MYO7B: variants seen among roughly 807,000 people sequenced by gnomAD.
MYO7B encodes the protein unconventional myosin-VIIb.
MYO7B carries 212 observed loss-of-function variants against 259.7 expected under a neutral mutation model. The observed-to-expected ratio is 0.82, with a 90% CI of 0.73 to 0.91. The LOEUF (loss-of-function observed/expected upper bound fraction) is 0.91, where lower values mean the gene tolerates loss of function less well. MYO7B is among the 40% of genes least tolerant of loss of function. The probability of loss-of-function intolerance (pLI) is 0.00; values close to 1 mark genes in which losing one functional copy is unlikely to be tolerated. For synonymous variants in MYO7B, 1,197 were observed against 1,166.4 expected, an observed-to-expected ratio of 1.03 and a Z score of -0.54; for missense variants, 2,732 against 2,813.5, an observed-to-expected ratio of 0.97 and a Z score of 0.66.
At position 127,636,283 on chromosome 2, in the gene MYO7B, T is replaced by C; in HGVS notation, c.6082T>C (p.Cys2028Arg). ...CAAGGTGGCCTTCCTGAAGTGGATC[T>C]GCCGGTGGCCCACCTTCGGATCCGC... ...EAKVAFLKWI[C>R]RWPTFGSAFF... Residue 2028 changes from cysteine to arginine, a missense_variant, in exon 45 of 48, where the codon TGC becomes CGC. Coordinates refer to ENST00000409816, the MANE Select transcript of MYO7B (RefSeq NM_001393586.1). This position sits in a 1 kb window ranked among gnomAD's most constrained non-coding sequence, Gnocchi z 4.5. The C allele has an allele frequency of 6.2e-7, 1 of 1,613,590 alleles. No homozygotes were observed. The highest frequency in any genetic ancestry group is 8.5e-7 in the Non-Finnish European group (1 of 1,179,822).
rs1678942018 is a variant in MYO7B at position 127,577,981 on chromosome 2, T to C, written c.850-152T>C. On this transcript the variant is annotated intron_variant, in intron 8 of 47. Coordinates refer to ENST00000409816, the MANE Select transcript of MYO7B (RefSeq NM_001393586.1). The surrounding 1 kb of genome is among the most constrained non-coding windows in gnomAD (Gnocchi z 5.2). ...GCCTGATCATGCTGTGGCTACTGTG[T>C]CATGATTCTGCCTCTGAAAAGAGTT... Among the ~76,000 whole-genome samples the C allele has an allele frequency of 6.6e-6, 1 of 152,160 alleles. No homozygotes were observed. The highest frequency in any genetic ancestry group is 1.5e-5 in the Non-Finnish European group (1 of 68,018).
chr2:127,622,116 G>C lies in MYO7B; in HGVS notation c.3645+15G>C, dbSNP rs1191551643. 3 of 1,545,792 alleles carry C rather than the reference G, an allele frequency of 1.9e-6. No homozygotes were observed. The African/African-American group carries it at 4.1e-5, about 21-fold the overall frequency. ...TGGAGCTGCAGGTAGGGGCTGGCAG[G>C]GGTGAGAGCGGGCAGGGTGGGGTGG... On this transcript the variant is annotated intron_variant, in intron 28 of 47. Coordinates refer to ENST00000409816, the MANE Select transcript of MYO7B (RefSeq NM_001393586.1).
At chr2:127,594,762 T>C (rs928180224) in intron 18 of MYO7B, among the ~76,000 whole-genome samples, 2 of 152,242 alleles carry the variant, frequency 1.3e-5, no homozygotes, top group African/African-American at 4.8e-5. Context: ...TTTGTTTATG[T>C]GGTGAATTAC....
Position 127,636,390 on chromosome 2 carries a change from C to A in MYO7B, c.6123+66C>A. The stretch of plus-strand genomic sequence containing the variant: ...CTCCGCTCAGCCCAGCCCCAGCAGG[C>A]CCAGCGTCAACCAGCACACATCTTG... On this transcript the variant is annotated intron_variant, in intron 45 of 47. Transcript: ENST00000409816. The surrounding 1 kb of genome is among the most constrained non-coding windows in gnomAD (Gnocchi z 4.5). 1.3e-6 allele frequency: 2 copies of A among 1,506,766 alleles called. No homozygotes were observed. Among genetic ancestry groups the A allele is most frequent in the Non-Finnish European group, 1.8e-6 (2 of 1,087,354 alleles). The allele number at this position is 1,506,766 out of a possible 1,614,324, so 93.3% of individuals were successfully genotyped here.
intron 1 of MYO7B, among the ~76,000 whole-genome samples, chr2:127,551,438 C>T (rs1693439558): frequency 6.6e-6 from 1 of 152,160 alleles, no homozygotes; most frequent in South Asian, 2.1e-4. Context: ...CTCACAACCT[C>T]CAGGCTCCCC....
intron 14 of MYO7B, among the ~76,000 whole-genome samples, chr2:127,587,661 G>A (rs1328940405): frequency 4.0e-5 from 6 of 150,190 alleles, no homozygotes; most frequent in African/African-American, 7.4e-5. Context: ...CTCTGCCTCC[G>A]GGCTTCAAGC....
rs1681674675 is a variant in MYO7B, at chr2:127,634,281, T to G, written c.5617T>G (p.Ser1873Ala). ...GGGCTGCAGCCTCTTCATCAAGATT[T>G]CAGACAAGGTGGGCCGGGCTGGGGC... ...WEGCSLFIKI[S>A]DKVISQKEGD... The change falls in exon 41 of 48, where the codon TCA (serine) becomes GCA (alanine). Residue 1873 changes from serine (S) to alanine (A), a missense_variant. This residue lies in a region of MYO7B where 821 missense variants were observed against 769.3 expected (regional missense o/e 1.07). Coordinates refer to ENST00000409816, the MANE Select transcript of MYO7B (RefSeq NM_001393586.1). The G allele has an allele frequency of 6.3e-7, 1 of 1,578,958 alleles. No homozygotes were observed. The highest frequency in any genetic ancestry group is 8.6e-7 in the Non-Finnish European group (1 of 1,165,956).
At position 127,633,636 on chromosome 2, in the gene MYO7B, A is replaced by G. The variant is rs150983026; in HGVS notation, c.5511+273A>G. Among the ~76,000 whole-genome samples, 1,333 of 152,290 alleles carry G rather than the reference A, an allele frequency of 8.8e-3. 25 individuals carry two copies. The highest frequency in any genetic ancestry group is 0.031 in the African/African-American group (1,270 of 41,560). ...GGGGTGGGCAGCAAGGGTGAGTCCC[A>G]GGACTTGGGGGCCCCTAGGGGCTTC... is the stretch of plus-strand genomic sequence containing the variant. On this transcript the variant is annotated intron_variant, in intron 40 of 47. Coordinates refer to ENST00000409816, the MANE Select transcript of MYO7B (RefSeq NM_001393586.1).
intron 1 of MYO7B, among the ~76,000 whole-genome samples, chr2:127,543,807 CG>C (rs1558789658): frequency 1.3e-5 from 2 of 151,738 alleles, no homozygotes. Context: ...TGCAGTGGCG[CG>C]ATCTTGCCTC....
chr2:127,594,655 G>C (rs531742605), intron 18 of MYO7B, among the ~76,000 whole-genome samples: 1 of 152,288 alleles, frequency 6.6e-6, no homozygotes, highest in East Asian at 1.9e-4. Context: ...TCAATACCTA[G>C]TTTATTGAGA....
chr2:127,633,192 C>A, intron 39 of MYO7B, 66 bp from the exon 40 acceptor site: 2 of 1,281,390 alleles, frequency 1.6e-6, no homozygotes, highest in East Asian at 2.5e-5. Flanking sequence ...GGGCCCACAT[C>A]GGGGCTGGGG....
chr2:127,540,954 AC>A (rs1462540664), intron 1 of MYO7B, among the ~76,000 whole-genome samples: 1 of 152,206 alleles, frequency 6.6e-6, no homozygotes, highest in Non-Finnish European at 1.5e-5. Flanking sequence ...GGCTATCTCT[AC>A]AGCTTAGGAA....
intron 1 of MYO7B, among the ~76,000 whole-genome samples, chr2:127,541,121 C>T (rs116161825): frequency 0.021 from 3,115 of 151,948 alleles, 115 homozygotes; most frequent in African/African-American, 0.07. Context: ...GTGAAGGGAG[C>T]GTCTGCTGGG....
chr2:127,608,262 C>G (rs556246209), intron 21 of MYO7B, among the ~76,000 whole-genome samples: 1 of 152,352 alleles, frequency 6.6e-6, no homozygotes, highest in South Asian at 2.1e-4. Flanking sequence ...CATGCTTCTG[C>G]ACCCGCATGC....
rs1047452113 is a variant in MYO7B, at chr2:127,632,104, C to T, written c.5250-142C>T. ...GCATCGGGCAGCCTGGCACAGCTGG[C>T]ATGGTGCAGCCTGGCAGGTGCCCTC... is the stretch of plus-strand genomic sequence containing the variant. On this transcript the variant is annotated intron_variant, in intron 38 of 47. Transcript: ENST00000409816. 5.9e-6 allele frequency: 6 copies of T among 1,010,542 alleles called. No homozygotes were observed. In the African/African-American group the frequency reaches 9.8e-5, roughly 17 times the overall value. 62.6% of individuals were successfully genotyped at this position (1,010,542 alleles called of 1,614,324 possible).
chr2:127,635,852 G>A lies in MYO7B; in HGVS notation c.5951G>A (p.Arg1984Lys). ...CTGGCTAGTGTCCCCAAGATCCTGA[G>A]GGAACTGGTGCCTGAGAACCTCACA... Reference protein sequence around the residue: ...SQLASVPKILRELVPENLTRL... With the variant: ...SQLASVPKILKELVPENLTRL... Residue 1984 changes from arginine (R) to lysine (K), a missense_variant, in exon 44 of 48, where the codon AGG becomes AAG. Transcript: ENST00000409816. 1 of 1,584,076 alleles carries A rather than the reference G, an allele frequency of 6.3e-7. No individual in the cohort carries two copies.
chr2:127,565,005 G>A (rs1678268790), intron 3 of MYO7B, among the ~76,000 whole-genome samples: 1 of 152,172 alleles, frequency 6.6e-6, no homozygotes, highest in East Asian at 1.9e-4. Flanking sequence ...CCTAACCCTG[G>A]GCCCTAGACC....
intron 18 of MYO7B, among the ~76,000 whole-genome samples, chr2:127,594,275 G>A (rs1344205153): frequency 6.6e-6 from 1 of 152,230 alleles, no homozygotes; most frequent in Non-Finnish European, 1.5e-5. Flanking sequence ...CTGTCCCCTA[G>A]TCTCATAAGC....
Position 127,634,714 on chromosome 2 carries a change from G to A in MYO7B, c.5713+31G>A. ...GAGGCCTCTGTGGAGCTGGGGGAGG[G>A]CGTGGCTGGGTGGGTCGAGGGGGCA... On this transcript the variant is annotated intron_variant, in intron 42 of 47. Coordinates refer to ENST00000409816, the MANE Select transcript of MYO7B (RefSeq NM_001393586.1). The A allele has an allele frequency of 1.9e-6, 3 of 1,587,458 alleles. No homozygotes were observed. In the East Asian group the frequency reaches 6.8e-5, roughly 36 times the overall value.
Sources: allele counts gnomAD v4.1 joint callset (sites outside exome capture counted in the v4.1 genomes callset), GRCh38; gene constraint gnomAD v4.1.1; regional missense constraint gnomAD v4.1.1; non-coding constraint Gnocchi (gnomAD v3.1); transcripts MANE v1.5; gene names NCBI Gene and HGNC (gene_info 2026-07-23, HGNC 2026-07-21).